STARD6: variants seen among roughly 807,000 people sequenced by gnomAD.
STARD6 encodes the protein stAR-related lipid transfer protein 6.
STARD6 carries 21 observed loss-of-function variants against 22.3 expected under a neutral mutation model. That is an observed-to-expected ratio of 0.94 (90% CI 0.67 to 1.35). The LOEUF (loss-of-function observed/expected upper bound fraction) is 1.35, where lower values mean the gene tolerates loss of function less well. Among genes scored for constraint, STARD6 ranks in the 40% most tolerant of loss-of-function variants. STARD6 has a pLI of 0.00. For missense variants in STARD6, 269 were observed against 266.9 expected (o/e 1.01, Z -0.05); for synonymous variants, 80 against 88.1 (o/e 0.91, Z 0.52).
Position 54,354,583 on chromosome 18 carries a change from A to G in STARD6, c.-4-6T>C. The G allele has an allele frequency of 6.2e-7, 1 of 1,605,094 alleles. No homozygotes were observed. Among genetic ancestry groups the G allele is most frequent in the Non-Finnish European group, 8.5e-7 (1 of 1,175,094 alleles). Reference sequence around the variant, plus strand: ...TTGCCTTGAAGTCCATCTATCTGCAAGTTTTAAAAACAAACAACTGGTAAG... The same window carrying G: ...TTGCCTTGAAGTCCATCTATCTGCAGGTTTTAAAAACAAACAACTGGTAAG... On this transcript the variant is annotated splice_region_variant and splice_polypyrimidine_tract_variant and intron_variant, in intron 2 of 7. Transcript: ENST00000307844.
At chr18:54,330,166 C>T (rs1247861865) in intron 6 of STARD6, among the ~76,000 whole-genome samples, 1 of 151,868 alleles carries the variant, frequency 6.6e-6, no homozygotes, top group Non-Finnish European at 1.5e-5. Flanking sequence ...GATGGATTTT[C>T]TGATATGATT....
At chr18:54,343,733 C>T (rs868171985) in intron 4 of STARD6, among the ~76,000 whole-genome samples, 397 of 65,362 alleles carry the variant, frequency 6.1e-3, no homozygotes, top group African/African-American at 7.5e-3. Flanking sequence ...GGGTGTCGGC[C>T]CCCCGCCCGG....
chr18:54,331,673 G>T, intron 6 of STARD6, 69 bp downstream of exon 6: 2 of 1,026,392 alleles, frequency 1.9e-6, no homozygotes, highest in Non-Finnish European at 2.9e-6. Context: ...TTGAAGCTGT[G>T]AATAAAGGGA....
intron 5 of STARD6, 47 bp downstream of exon 5, chr18:54,337,078 A>G (rs748593386): frequency 2.0e-6 from 3 of 1,529,972 alleles, no homozygotes; most frequent in East Asian, 4.5e-5. Flanking sequence ...GGTATAAACT[A>G]AAAATATATT....
At chr18:54,326,483 C>T (rs894651464) in intron 7 of STARD6, among the ~76,000 whole-genome samples, 1 of 151,728 alleles carries the variant, frequency 6.6e-6, no homozygotes, top group African/African-American at 2.4e-5. Context: ...AGGCCTGTGC[C>T]ACCATGCCTG....
chr18:54,345,175 C>T (rs1358163404), intron 4 of STARD6, among the ~76,000 whole-genome samples: 1 of 151,816 alleles, frequency 6.6e-6, no homozygotes, highest in Non-Finnish European at 1.5e-5. Context: ...ACTAAGAAGT[C>T]CAGTAAAGCT....
intron 5 of STARD6, among the ~76,000 whole-genome samples, chr18:54,332,773 C>A (rs1323353153): frequency 2.6e-5 from 4 of 152,126 alleles, no homozygotes; most frequent in African/African-American, 7.2e-5. Flanking sequence ...GGCATGGTGG[C>A]ACATGCCTGT....
At chr18:54,346,447 T>G (rs951921981) in intron 4 of STARD6, among the ~76,000 whole-genome samples, 4 of 152,000 alleles carry the variant, frequency 2.6e-5, no homozygotes, top group African/African-American at 9.7e-5. Flanking sequence ...GGAACCTACA[T>G]ACACTGCTGT....
At position 54,338,368 on chromosome 18, in the gene STARD6, C is replaced by T. The variant is rs866101776; in HGVS notation, c.141-1117G>A. Among the ~76,000 whole-genome samples the T allele has an allele frequency of 1.4e-4, 21 of 152,198 alleles. No homozygotes were observed. In the South Asian group the frequency reaches 3.1e-3, roughly 23 times the overall value. Reference sequence around the variant, plus strand: ...GTCTTCAATCCACATACATATTTGACAGTAGAGGGTAAAAATTACCACAAA... The same window carrying T: ...GTCTTCAATCCACATACATATTTGATAGTAGAGGGTAAAAATTACCACAAA... On this transcript the variant is annotated intron_variant, in intron 4 of 7. Coordinates refer to ENST00000307844, the MANE Select transcript of STARD6 (RefSeq NM_139171.2).
At chr18:54,339,052 A>T (rs2144677919) in intron 4 of STARD6, among the ~76,000 whole-genome samples, 1 of 128,380 alleles carries the variant, frequency 7.8e-6, no homozygotes. Flanking sequence ...ATCAAAAAAA[A>T]AAAAAAAAAA....
chr18:54,347,899 T>C (rs2144691115), intron 4 of STARD6, among the ~76,000 whole-genome samples: 1 of 152,234 alleles, frequency 6.6e-6, no homozygotes. Flanking sequence ...GCTCTCATAA[T>C]TCCCAGGTGT....
At chr18:54,335,276 C>T (rs2088898536) in intron 5 of STARD6, among the ~76,000 whole-genome samples, 1 of 152,002 alleles carries the variant, frequency 6.6e-6, no homozygotes, top group Non-Finnish European at 1.5e-5. Flanking sequence ...CTCACTGCAA[C>T]CTCCGCCTCC....
chr18:54,337,453 A>T (rs1395999530), intron 4 of STARD6, among the ~76,000 whole-genome samples: 1 of 152,222 alleles, frequency 6.6e-6, no homozygotes, highest in African/African-American at 2.4e-5. Context: ...TAAATACATT[A>T]TTTCAAAATT....
intron 5 of STARD6, among the ~76,000 whole-genome samples, chr18:54,334,647 C>A (rs1412439109): frequency 6.6e-6 from 1 of 151,976 alleles, no homozygotes; most frequent in Non-Finnish European, 1.5e-5. Context: ...GCTTGTCTGT[C>A]TCCCTAACCT....
At position 54,341,170 on chromosome 18, in the gene STARD6, C is replaced by CAGGG. The variant is rs879378970; in HGVS notation, c.141-3920_141-3919insCCCT. ...CGCCTCCAGGGTTCACGCCATTCTC[C>CAGGG]TGCCTCAGCCTGCCAAGTAGCTGGG... On this transcript the variant is annotated intron_variant, in intron 4 of 7. Coordinates refer to ENST00000307844, the MANE Select transcript of STARD6 (RefSeq NM_139171.2). Among the ~76,000 whole-genome samples, 298 of 152,284 alleles carry CAGGG rather than the reference C, an allele frequency of 2.0e-3. 1 individual carries two copies. Among genetic ancestry groups the CAGGG allele is most frequent in the Admixed American group, 3.9e-3 (59 of 15,306 alleles).
intron 4 of STARD6, among the ~76,000 whole-genome samples, chr18:54,341,124 A>G (rs2144680726): frequency 6.6e-6 from 1 of 152,312 alleles, no homozygotes; most frequent in South Asian, 2.1e-4. Flanking sequence ...CAATGGCGCG[A>G]TCTCGGCTCA....
intron 2 of STARD6, among the ~76,000 whole-genome samples, 154 bp from the exon 3 acceptor site, chr18:54,354,731 C>G (rs1251670127): frequency 1.3e-5 from 2 of 152,248 alleles, no homozygotes; most frequent in Non-Finnish European, 2.9e-5. Flanking sequence ...ACCCCTCTCT[C>G]CTTACAGTCT....
intron 4 of STARD6, among the ~76,000 whole-genome samples, chr18:54,340,746 C>A (rs759027729): frequency 6.6e-6 from 1 of 152,100 alleles, no homozygotes; most frequent in Non-Finnish European, 1.5e-5. Flanking sequence ...ATAAAAGATA[C>A]GCTTTAAATT....
chr18:54,333,487 G>T (rs1228312216), intron 5 of STARD6, among the ~76,000 whole-genome samples: 1 of 152,154 alleles, frequency 6.6e-6, no homozygotes, highest in Non-Finnish European at 1.5e-5. Context: ...CAAACTGTAT[G>T]ATTAGTATCA....
Sources: allele counts gnomAD v4.1 joint callset (sites outside exome capture counted in the v4.1 genomes callset), GRCh38; gene constraint gnomAD v4.1.1; transcripts MANE v1.5; gene names NCBI Gene and HGNC (gene_info 2026-07-23, HGNC 2026-07-21).